Variants in MCTP1 observed in about 807,000 individuals in gnomAD.
MCTP1 encodes multiple C2 and transmembrane domain containing 1.
A neutral mutation model predicts 120.6 loss-of-function variants in MCTP1; 69 were observed. That is an observed-to-expected ratio of 0.57 (90% CI 0.47 to 0.70). The LOEUF is 0.70. Ranked by LOEUF, MCTP1 falls within the 30% of genes least tolerant of loss-of-function variation. MCTP1 has a pLI of 0.00. For missense variants in MCTP1, 1,203 were observed against 1,248.8 expected (o/e 0.96, Z 0.55); for synonymous variants, 529 against 493.1 (o/e 1.07, Z -0.96).
At chr5:94,795,923 A>C (rs1779906305) in intron 18 of MCTP1, among the ~76,000 whole-genome samples, 1 of 152,232 alleles carries the variant, frequency 6.6e-6, no homozygotes, top group Non-Finnish European at 1.5e-5. Flanking sequence ...TTGCTCATTA[A>C]ACTAGAATAG....
intron 5 of MCTP1, among the ~76,000 whole-genome samples, chr5:94,938,961 G>C (rs1242405455): frequency 6.6e-6 from 1 of 152,006 alleles, no homozygotes; most frequent in Non-Finnish European, 1.5e-5. Flanking sequence ...ATTTTACCAA[G>C]CTAAGTTCTC....
chr5:95,253,973 T>C lies in MCTP1; in HGVS notation c.720+29883A>G, dbSNP rs987093. Reference sequence around the variant, plus strand: ...TTCAGCCAGCAATAAATTCCTAGATTTTAAAAACTCAAGTCAAGCAACTTT... The same window carrying C: ...TTCAGCCAGCAATAAATTCCTAGATCTTAAAAACTCAAGTCAAGCAACTTT... On this transcript the variant is annotated intron_variant, in intron 1 of 22. Coordinates refer to ENST00000515393, the MANE Select transcript of MCTP1 (RefSeq NM_024717.7). Among the ~76,000 whole-genome samples, 187 of 152,236 alleles carry C rather than the reference T, an allele frequency of 1.2e-3. 1 individual carries two copies. Among genetic ancestry groups the C allele is most frequent in the African/African-American group, 4.3e-3 (179 of 41,564 alleles).
At chr5:94,953,957 T>C (rs1272498186) in intron 2 of MCTP1, among the ~76,000 whole-genome samples, 5 of 94,868 alleles carry the variant, frequency 5.3e-5, no homozygotes, top group Non-Finnish European at 8.0e-5. Context: ...TATATGCATA[T>C]ATATACAAAT....
intron 1 of MCTP1, among the ~76,000 whole-genome samples, chr5:95,243,166 G>T (rs543064397): frequency 1.8e-4 from 27 of 152,112 alleles, no homozygotes; most frequent in Admixed American, 5.2e-4. Flanking sequence ...TAACGGATAA[G>T]TAGAATTCAC....
At chr5:94,879,096 G>A (rs1211447145) in intron 12 of MCTP1, among the ~76,000 whole-genome samples, 1 of 152,036 alleles carries the variant, frequency 6.6e-6, no homozygotes, top group Non-Finnish European at 1.5e-5. Flanking sequence ...ACTGGGGCAG[G>A]GTGTGCAATG....
intron 17 of MCTP1, among the ~76,000 whole-genome samples, chr5:94,846,371 G>A (rs1426285655): frequency 1.3e-5 from 2 of 152,078 alleles, no homozygotes; most frequent in Non-Finnish European, 1.5e-5. Context: ...GGAGCTGGAG[G>A]CCATTATCCT....
At chr5:95,253,607 T>C (rs926027027) in intron 1 of MCTP1, among the ~76,000 whole-genome samples, 17 of 152,164 alleles carry the variant, frequency 1.1e-4, no homozygotes, top group African/African-American at 3.6e-4. Context: ...GAGACCCAAA[T>C]TGACTTACAA....
intron 1 of MCTP1, among the ~76,000 whole-genome samples, chr5:95,086,016 A>G (rs1466496521): frequency 6.6e-6 from 1 of 151,890 alleles, no homozygotes; most frequent in Non-Finnish European, 1.5e-5. Context: ...TTTTTTTACT[A>G]TTGTTTATAA....
intron 1 of MCTP1, among the ~76,000 whole-genome samples, chr5:95,181,595 A>G (rs961930263): frequency 4.0e-5 from 6 of 151,896 alleles, no homozygotes; most frequent in Non-Finnish European, 7.4e-5. Context: ...ACACATACAT[A>G]CACAGGGTGA....
rs1292431698 is a variant in MCTP1, at chr5:94,937,383, AC to A, written c.1173+2700del. ...AAATAGCATGAGGATTTCAGGAGGA[AC>A]TTTTTGTGTTAAGGGTGAATGTGGC... On this transcript the variant is annotated intron_variant, in intron 5 of 22. Transcript: ENST00000515393. Among the ~76,000 whole-genome samples, 9 of 152,138 alleles carry A rather than the reference AC, an allele frequency of 5.9e-5. 1 individual carries two copies. The East Asian group carries it at 1.5e-3, about 26-fold the overall frequency.
At chr5:94,996,114 C>T (rs1323805615) in intron 2 of MCTP1, among the ~76,000 whole-genome samples, 1 of 152,114 alleles carries the variant, frequency 6.6e-6, no homozygotes, top group Non-Finnish European at 1.5e-5. Context: ...TTTTCTCTGC[C>T]TATATCACTG....
intron 1 of MCTP1, among the ~76,000 whole-genome samples, chr5:95,218,241 C>A (rs901881228): frequency 6.6e-6 from 1 of 152,186 alleles, no homozygotes; most frequent in Non-Finnish European, 1.5e-5. Flanking sequence ...CAATAGGTTA[C>A]AAGGAAGAAA....
chr5:95,237,004 C>A (rs1197330008), intron 1 of MCTP1, among the ~76,000 whole-genome samples: 1 of 152,148 alleles, frequency 6.6e-6, no homozygotes, highest in African/African-American at 2.4e-5. Context: ...CCCTATAATT[C>A]TTGTAGTCTA....
intron 1 of MCTP1, among the ~76,000 whole-genome samples, chr5:95,131,719 G>C (rs575450842): frequency 6.6e-6 from 1 of 152,118 alleles, no homozygotes; most frequent in South Asian, 2.1e-4. Flanking sequence ...AGGGATCTCT[G>C]TCTGTTTTAT....
At chr5:94,980,647 C>A (rs1259879790) in intron 2 of MCTP1, among the ~76,000 whole-genome samples, 1 of 151,926 alleles carries the variant, frequency 6.6e-6, no homozygotes, top group African/African-American at 2.4e-5. Context: ...CATAGACACC[C>A]TTTCCAAGCA....
In MCTP1 at chr5:94,705,398, CAG is replaced by C. The variant is rs1342294578; in HGVS notation, c.*2096_*2097del. The C allele has an allele frequency of 6.8e-6, 1 of 147,814 alleles. No homozygotes were observed. The highest frequency in any genetic ancestry group is 2.6e-5 in the African/African-American group (1 of 38,588). 9.2% of individuals were successfully genotyped at this position (147,814 alleles called of 1,614,324 possible). On this transcript the variant is annotated 3_prime_UTR_variant, in exon 23 of 23. Transcript: ENST00000515393. ...TCCAGAGGTATTTTCATATAAGAGT[CAG>C]AGTTTCAGGAAAAAGGTCTTATTTG...
intron 1 of MCTP1, among the ~76,000 whole-genome samples, chr5:95,197,559 C>T (rs749312068): frequency 9.2e-5 from 14 of 151,840 alleles, no homozygotes; most frequent in East Asian, 1.9e-4. Context: ...AAGATCTCTA[C>T]GACATATTAA....
chr5:94,931,884 G>T, intron 6 of MCTP1, 69 bp downstream of exon 6: 1 of 1,127,254 alleles, frequency 8.9e-7, no homozygotes, highest in Non-Finnish European at 1.3e-6. Flanking sequence ...AGAGATGAGA[G>T]AGATCTGGGA....
At chr5:94,859,030 C>T (rs1313948505) in intron 17 of MCTP1, among the ~76,000 whole-genome samples, 1 of 151,696 alleles carries the variant, frequency 6.6e-6, no homozygotes, top group Admixed American at 6.6e-5. Context: ...TCTTACCAAA[C>T]AGACCTCTAC....
Sources: gnomAD v4.1 joint callset for allele counts (sites outside exome capture counted in the v4.1 genomes callset) on GRCh38, gnomAD v4.1.1 for gene constraint, MANE v1.5 for transcripts, NCBI Gene and HGNC (gene_info 2026-07-23, HGNC 2026-07-21) for gene names.